CD109: variants seen among roughly 807,000 people sequenced by gnomAD.
CD109 encodes the protein CD109 molecule.
A neutral mutation model predicts 165.8 loss-of-function variants in CD109; 149 were observed. That is an observed-to-expected ratio of 0.90 (90% CI 0.79 to 1.03). The LOEUF (loss-of-function observed/expected upper bound fraction) is 1.03, where lower values mean the gene tolerates loss of function less well. Ranked by LOEUF, CD109 falls within the 50% of genes least tolerant of loss-of-function variation. CD109 has a pLI of 0.00. For synonymous variants in CD109, 585 were observed against 592.1 expected, an observed-to-expected ratio of 0.99 and a Z score of 0.18; for missense variants, 1,712 against 1,677.8, an observed-to-expected ratio of 1.02 and a Z score of -0.36.
At chr6:73,791,635 T>G (rs1375699880) in intron 22 of CD109, among the ~76,000 whole-genome samples, 1 of 152,206 alleles carries the variant, frequency 6.6e-6, no homozygotes, top group Admixed American at 6.5e-5. Flanking sequence ...TTTTACATGT[T>G]GTTTTAAAGA....
At chr6:73,718,678 G>A (rs541806421) in intron 2 of CD109, among the ~76,000 whole-genome samples, 1 of 151,776 alleles carries the variant, frequency 6.6e-6, no homozygotes, top group Non-Finnish European at 1.5e-5. Flanking sequence ...TTTTGTCTGT[G>A]TGACCCTGGG....
At position 73,707,528 on chromosome 6, in the gene CD109, C is replaced by T. The variant is rs73458349; in HGVS notation, c.247+9956C>T. On this transcript the variant is annotated intron_variant, in intron 2 of 32. Coordinates refer to ENST00000287097, the MANE Select transcript of CD109 (RefSeq NM_133493.5). ...GAGGCACAGTGGGTTAGAATGGGTG[C>T]TCAGGAACCACACTGAAATTGAACC... Among the ~76,000 whole-genome samples, 647 of 152,206 alleles carry T rather than the reference C, an allele frequency of 4.3e-3. 6 individuals carry two copies. The highest frequency in any genetic ancestry group is 0.015 in the African/African-American group (609 of 41,518).
Position 73,791,393 on chromosome 6 carries a change from A to T in CD109, c.2702-1233A>T, listed in dbSNP as rs1026276579. ...TTAAAAGGAATTAAATAAGCTCTCT[A>T]TTTAGGGGAATAAATTCTGCTTAAG... is the stretch of plus-strand genomic sequence containing the variant. On this transcript the variant is annotated intron_variant, in intron 22 of 32. Transcript: ENST00000287097. Among the ~76,000 whole-genome samples the T allele has an allele frequency of 4.0e-5, 6 of 151,202 alleles. 2 individuals are homozygous for T. The South Asian group carries it at 6.3e-4, about 16-fold the overall frequency.
chr6:73,793,068 G>A (rs4708083), intron 23 of CD109, among the ~76,000 whole-genome samples: 58,707 of 151,848 alleles, frequency 0.39, 11,660 homozygotes, highest in African/African-American at 0.47. Context: ...TTATACTAAG[G>A]GATCTGAAAT....
chr6:73,776,939 C>T (rs1422061218), intron 15 of CD109, among the ~76,000 whole-genome samples: 1 of 150,520 alleles, frequency 6.6e-6, no homozygotes, highest in Non-Finnish European at 1.5e-5. Flanking sequence ...CTCATGTATG[C>T]ATGTATGACT....
In CD109 at chr6:73,735,647, G is replaced by A. The variant is rs146087079; in HGVS notation, c.508-736G>A. Among the ~76,000 whole-genome samples, 126 of 152,266 alleles carry A rather than the reference G, an allele frequency of 8.3e-4. No homozygotes were observed. In the East Asian group the frequency reaches 0.014, roughly 17 times the overall value. On this transcript the variant is annotated intron_variant, in intron 4 of 32. Coordinates refer to ENST00000287097, the MANE Select transcript of CD109 (RefSeq NM_133493.5). ...AATGAAGTGTTTTCCATGTATATCC[G>A]TGATTAAACATCTCTCTAATATGCT...
Position 73,803,293 on chromosome 6 carries a change from G to A in CD109, c.2952G>A (p.Gly984=), listed in dbSNP as rs766288917. 1.9e-6 allele frequency: 3 copies of A among 1,611,380 alleles called. No homozygotes were observed. Among genetic ancestry groups the A allele is most frequent in the East Asian group, 4.5e-5 (2 of 44,726 alleles). Residue 984 remains glycine (G), a synonymous_variant, in exon 24 of 33, where the codon GGG becomes GGA. Transcript: ENST00000287097. ...FSAFGNYDPS[G]STWLSAFVLR... The stretch of plus-strand genomic sequence containing the variant: ...CTTTTGGGAATTATGACCCTTCTGG[G>A]AGCACTTGGTAAGTGTTTTTGCCAA...
At chr6:73,711,534 G>GTTTTTTTTTTTTTTTTT (rs765302167) in intron 2 of CD109, among the ~76,000 whole-genome samples, 2 of 23,488 alleles carry the variant, frequency 8.5e-5, no homozygotes, top group Non-Finnish European at 4.2e-4. Context: ...CGTACTTTAA[G>GTTTTTTTTTTTTTTTTT]TTTTTTTTTT....
chr6:73,751,606 C>A (rs1470099190), intron 5 of CD109, among the ~76,000 whole-genome samples: 1 of 152,204 alleles, frequency 6.6e-6, no homozygotes, highest in African/African-American at 2.4e-5. Context: ...CTTAGCTCCA[C>A]TGCCAGCACA....
the CD109 span, among the ~76,000 whole-genome samples, chr6:73,680,917 C>G: frequency 7.9e-5 from 12 of 152,144 alleles, no homozygotes; most frequent in African/African-American, 2.9e-4. Flanking sequence ...AGAATGCTTT[C>G]TCTTCAGTCT....
intron 1 of CD109, among the ~76,000 whole-genome samples, chr6:73,697,118 T>C (rs1582023049): frequency 1.3e-5 from 2 of 152,210 alleles, no homozygotes; most frequent in Admixed American, 1.3e-4. Context: ...TACATCATGG[T>C]TCCTTCTGTG....
intron 2 of CD109, among the ~76,000 whole-genome samples, chr6:73,706,145 A>C (rs56171536): frequency 0.028 from 4,277 of 152,278 alleles, 89 homozygotes; most frequent in East Asian, 0.048. Context: ...ATTGAGATGA[A>C]GAATAAAATT....
chr6:73,679,335 T>A, the CD109 span, among the ~76,000 whole-genome samples: 1 of 152,012 alleles, frequency 6.6e-6, no homozygotes, highest in African/African-American at 2.4e-5. Context: ...ATATTTTGCT[T>A]GTAGAATGTC....
rs1311134093 is a variant in CD109 at position 73,806,970 on chromosome 6, T to A, written c.3087T>A (p.Asp1029Glu). ...AGAAATCCAACGGTGAATTTTGGGATCCAGGAAGAGTGATTCATAGTGAGC... is the reference window on the plus strand; with the variant it reads ...AGAAATCCAACGGTGAATTTTGGGAACCAGGAAGAGTGATTCATAGTGAGC... ...GHQKSNGEFW[D>E]PGRVIHSELQ... The change falls in exon 25 of 33, where the codon GAT (aspartate) becomes GAA (glutamate). Residue 1029 changes from aspartate (D) to glutamate (E), a missense_variant. Coordinates refer to ENST00000287097, the MANE Select transcript of CD109 (RefSeq NM_133493.5). The A allele has an allele frequency of 6.2e-7, 1 of 1,613,928 alleles. No individual in the cohort carries two copies. The highest frequency in any genetic ancestry group is 8.5e-7 in the Non-Finnish European group (1 of 1,179,984).
the CD109 span, among the ~76,000 whole-genome samples, chr6:73,679,425 C>T: frequency 6.6e-6 from 1 of 151,904 alleles, no homozygotes. Context: ...TTAGAGCCCA[C>T]TTCTAAAGGT....
intron 2 of CD109, among the ~76,000 whole-genome samples, chr6:73,718,029 G>A (rs991562091): frequency 6.6e-6 from 1 of 151,786 alleles, no homozygotes; most frequent in South Asian, 2.1e-4. Flanking sequence ...GATCATATTG[G>A]CTGGGCGTGG....
chr6:73,694,344 C>T (rs929189117), upstream of CD109: 5 of 152,166 alleles, frequency 3.3e-5, no homozygotes, highest in Non-Finnish European at 7.3e-5. Context: ...TGCATGACTA[C>T]GCCTTTCGAC....
At chr6:73,759,678 T>C (rs778097235) in intron 7 of CD109, among the ~76,000 whole-genome samples, 10 of 152,188 alleles carry the variant, frequency 6.6e-5, no homozygotes, top group Non-Finnish European at 1.3e-4. Flanking sequence ...TAAATTATAT[T>C]TGGATTTTAA....
chr6:73,736,589 A>C, intron 5 of CD109, 81 bp downstream of exon 5: 1 of 1,251,062 alleles, frequency 8.0e-7, no homozygotes, highest in Non-Finnish European at 1.1e-6. Flanking sequence ...AAAGTCATTT[A>C]TACAATGAAG....
Sources: gnomAD v4.1 joint callset for allele counts (sites outside exome capture counted in the v4.1 genomes callset) on GRCh38, gnomAD v4.1.1 for gene constraint, MANE v1.5 for transcripts, NCBI Gene and HGNC (gene_info 2026-07-23, HGNC 2026-07-21) for gene names.